Variants in FAF1 observed in about 807,000 individuals in gnomAD.
FAF1 encodes Fas associated factor 1, also known as FAS-associated factor 1.
Under a neutral mutation model 92.5 loss-of-function variants are expected in FAF1, and 25 were observed. The observed-to-expected ratio is 0.27, with a 90% CI of 0.20 to 0.38. The LOEUF is 0.38. Among genes scored for constraint, FAF1 ranks in the 10% least tolerant of loss-of-function variants. The pLI is 1.00. For synonymous variants in FAF1, 234 were observed against 273.2 expected (o/e 0.86, Z 1.42); for missense variants, 636 against 793.3 (o/e 0.80, Z 2.38).
At chr1:50,743,093 A>G (rs898607910) in intron 5 of FAF1, among the ~76,000 whole-genome samples, 2 of 152,184 alleles carry the variant, frequency 1.3e-5, no homozygotes, top group Non-Finnish European at 2.9e-5. Flanking sequence ...ATGGCACACA[A>G]AGCCTAAAAT....
chr1:50,686,295 C>G (rs531306591), intron 7 of FAF1, among the ~76,000 whole-genome samples: 9 of 152,196 alleles, frequency 5.9e-5, no homozygotes, highest in African/African-American at 2.2e-4. Flanking sequence ...GTAATCCCAG[C>G]ACTTTGGGAG....
intron 8 of FAF1, among the ~76,000 whole-genome samples, chr1:50,601,175 T>A (rs149212824): frequency 6.6e-6 from 1 of 152,224 alleles, no homozygotes; most frequent in African/African-American, 2.4e-5. Context: ...AAACAAAGCA[T>A]ATAGTATTTT....
At chr1:50,635,115 C>T (rs1393468424) in intron 8 of FAF1, among the ~76,000 whole-genome samples, 1 of 152,170 alleles carries the variant, frequency 6.6e-6, no homozygotes, top group Non-Finnish European at 1.5e-5. Context: ...AGTACTACTG[C>T]TATTTCCTGA....
At chr1:50,626,856 T>C (rs1365035644) in intron 8 of FAF1, among the ~76,000 whole-genome samples, 2 of 151,972 alleles carry the variant, frequency 1.3e-5, no homozygotes, top group Non-Finnish European at 2.9e-5. Flanking sequence ...GCAGTGGAAA[T>C]AGAAGTGAAT....
intron 8 of FAF1, chr1:50,612,333 C>A: frequency 1.6e-6 from 2 of 1,234,972 alleles, no homozygotes; most frequent in South Asian, 1.4e-5. Flanking sequence ...TATTTTACCT[C>A]AAGCAGATTC....
intron 6 of FAF1, among the ~76,000 whole-genome samples, chr1:50,732,847 T>C (rs916334024): frequency 6.6e-6 from 1 of 152,158 alleles, no homozygotes; most frequent in African/African-American, 2.4e-5. Flanking sequence ...ATTGACTGAG[T>C]TCCTCATTCC....
intron 7 of FAF1, among the ~76,000 whole-genome samples, chr1:50,696,325 G>A (rs1387919331): frequency 6.6e-6 from 1 of 152,054 alleles, no homozygotes; most frequent in Non-Finnish European, 1.5e-5. Context: ...TCCTTGTTTT[G>A]GAGGGAGAAA....
chr1:50,781,060 G>C, intron 4 of FAF1: 1 of 412,290 alleles, frequency 2.4e-6, no homozygotes, highest in Non-Finnish European at 4.8e-6. Flanking sequence ...CAAGATGGAA[G>C]TCACAGAGGA....
intron 15 of FAF1, among the ~76,000 whole-genome samples, chr1:50,517,463 T>A (rs9645408): frequency 1.3e-5 from 2 of 152,086 alleles, no homozygotes; most frequent in Non-Finnish European, 2.9e-5. Flanking sequence ...GATACTTTTA[T>A]TTACATAGTG....
intron 6 of FAF1, among the ~76,000 whole-genome samples, chr1:50,731,610 C>T (rs961261480): frequency 5.3e-5 from 8 of 152,018 alleles, no homozygotes; most frequent in Middle Eastern, 6.8e-3. Context: ...CCTCGTGATC[C>T]GCCCGCCTTG....
At chr1:50,654,072 G>A (rs1315884673) in intron 8 of FAF1, among the ~76,000 whole-genome samples, 1 of 152,120 alleles carries the variant, frequency 6.6e-6, no homozygotes, top group Admixed American at 6.5e-5. Context: ...ATTGTAATTA[G>A]ATTCAAGTAG....
At chr1:50,521,617 A>G (rs914193741) in intron 15 of FAF1, among the ~76,000 whole-genome samples, 2 of 152,248 alleles carry the variant, frequency 1.3e-5, no homozygotes, top group African/African-American at 4.8e-5. Flanking sequence ...CTAATATTTC[A>G]TAACTAGAAA....
intron 15 of FAF1, among the ~76,000 whole-genome samples, chr1:50,515,333 A>T (rs942415882): frequency 1.3e-5 from 2 of 152,156 alleles, no homozygotes; most frequent in African/African-American, 2.4e-5. Flanking sequence ...AAGGAACTGA[A>T]TCAGGTTTTG....
rs1377092595 is a variant in FAF1 at position 50,491,806 on chromosome 1, A to G, written c.1495-5T>C. The G allele has an allele frequency of 2.5e-6, 4 of 1,600,744 alleles. No individual in the cohort carries two copies. Among genetic ancestry groups the G allele is most frequent in the East Asian group, 4.5e-5 (2 of 44,758 alleles). On this transcript the variant is annotated splice_polypyrimidine_tract_variant and splice_region_variant and intron_variant, in intron 15 of 18. Coordinates refer to ENST00000396153, the MANE Select transcript of FAF1 (RefSeq NM_007051.3). ...TTCTCTGGCTTCACGTTCATCCTTA[A>G]AGAAAAAGATTCAAATATTTTTTGA...
chr1:50,590,211 T>C lies in FAF1; in HGVS notation c.841-5400A>G, dbSNP rs529187433. Among the ~76,000 whole-genome samples the C allele has an allele frequency of 8.5e-5, 13 of 152,350 alleles. No homozygotes were observed. The East Asian group carries it at 1.9e-3, about 23-fold the overall frequency. On this transcript the variant is annotated intron_variant, in intron 9 of 18. Coordinates refer to ENST00000396153, the MANE Select transcript of FAF1 (RefSeq NM_007051.3). ...TTTCTATTTCTGCAAAAAACCACCA[T>C]TGGAATTTTGATACGGATTTCTGTA... is the stretch of plus-strand genomic sequence containing the variant.
At position 50,859,899 on chromosome 1, in the gene FAF1, CAT is replaced by C. The variant is rs1251749115; in HGVS notation, c.46-1904_46-1903del. 3.3e-5 allele frequency among the ~76,000 whole-genome samples: 5 copies of C among 151,826 alleles called. No homozygotes were observed. In the East Asian group the frequency reaches 9.6e-4, roughly 29 times the overall value. The stretch of plus-strand genomic sequence containing the variant: ...AGCATGGAATCGATACAAAAACAGA[CAT>C]AAACACTCATGGAACAGAATAGAGA... On this transcript the variant is annotated intron_variant, in intron 1 of 18. Transcript: ENST00000396153.
intron 13 of FAF1, 83 bp downstream of exon 13, chr1:50,566,994 G>T: frequency 9.1e-7 from 1 of 1,102,304 alleles, no homozygotes; most frequent in Non-Finnish European, 1.2e-6. Context: ...TGCTGAGGAT[G>T]AAAAATGTTT....
At chr1:50,532,165 G>C (rs1482476539) in intron 15 of FAF1, among the ~76,000 whole-genome samples, 1 of 152,000 alleles carries the variant, frequency 6.6e-6, no homozygotes, top group Non-Finnish European at 1.5e-5. Flanking sequence ...CTTTCATGAA[G>C]ACACTCTAAA....
intron 2 of FAF1, among the ~76,000 whole-genome samples, chr1:50,845,799 A>G (rs1054083325): frequency 2.6e-5 from 4 of 151,964 alleles, no homozygotes; most frequent in Non-Finnish European, 5.9e-5. Context: ...ACCTAACTCA[A>G]AATTATACTC....
Sources: allele counts gnomAD v4.1 joint callset (sites outside exome capture counted in the v4.1 genomes callset), GRCh38; gene constraint gnomAD v4.1.1; transcripts MANE v1.5; gene names NCBI Gene and HGNC (gene_info 2026-07-23, HGNC 2026-07-21).